Variants in ANXA8 observed in about 807,000 individuals in gnomAD.
ANXA8 encodes the protein annexin A8.
A neutral mutation model predicts 26.8 loss-of-function variants in ANXA8; 9 were observed. The observed-to-expected ratio is 0.34, with a 90% CI of 0.20 to 0.59. The LOEUF is 0.59. Ranked by LOEUF, ANXA8 falls within the 20% of genes least tolerant of loss-of-function variation. The pLI is 0.84. For synonymous variants in ANXA8, 39 were observed against 94.8 expected, an observed-to-expected ratio of 0.41 and a Z score of 3.42; for missense variants, 83 against 238.5, an observed-to-expected ratio of 0.35 and a Z score of 4.29.
At chr10:47,969,175 G>A in the ANXA8 span, among the ~76,000 whole-genome samples, 714 of 147,564 alleles carry the variant, frequency 4.8e-3, 9 homozygotes, top group African/African-American at 0.018. Flanking sequence ...AAAGGCAGCT[G>A]GTCCTGCTCA....
chr10:47,694,423 T>A, the ANXA8 span, among the ~76,000 whole-genome samples: 1 of 143,970 alleles, frequency 6.9e-6, no homozygotes, highest in Non-Finnish European at 1.5e-5. Flanking sequence ...CTTCCTTTTT[T>A]TTTTTTTTTT....
chr10:47,739,959 T>C, the ANXA8 span, among the ~76,000 whole-genome samples: 1 of 66,764 alleles, frequency 1.5e-5, no homozygotes, highest in African/African-American at 5.1e-5. Flanking sequence ...AAAAAAAAAT[T>C]AGCCAGGCAT....
At chr10:47,957,928 CAACTT>C in the ANXA8 span, among the ~76,000 whole-genome samples, 1 of 150,532 alleles carries the variant, frequency 6.6e-6, no homozygotes, top group South Asian at 2.1e-4. Context: ...AGAAGACAAA[CAACTT>C]AATTAAAAAT....
At chr10:47,720,855 A>C in the ANXA8 span, among the ~76,000 whole-genome samples, 1 of 140,152 alleles carries the variant, frequency 7.1e-6, no homozygotes, top group Non-Finnish European at 1.6e-5. Flanking sequence ...TTGAATTAAG[A>C]TGTATGGTAG....
At chr10:47,683,954 G>A in the ANXA8 span, among the ~76,000 whole-genome samples, 3 of 151,796 alleles carry the variant, frequency 2.0e-5, no homozygotes, top group Non-Finnish European at 4.4e-5. Flanking sequence ...TAGTTGCAGT[G>A]TTCTGCAAAG....
upstream of ANXA8, among the ~76,000 whole-genome samples, chr10:47,488,713 A>ATTTTTTTTT (rs1160121365): frequency 5.3e-4 from 33 of 62,120 alleles, no homozygotes; most frequent in African/African-American, 7.1e-4. Flanking sequence ...TACATGTTAA[A>ATTTTTTTTT]TTTTTTTTTT....
the ANXA8 span, among the ~76,000 whole-genome samples, chr10:47,733,195 T>C: frequency 1.6e-3 from 174 of 111,010 alleles, no homozygotes; most frequent in African/African-American, 5.5e-3. Flanking sequence ...CTTTCTTTCT[T>C]TCTTTCTTTC....
At chr10:47,692,781 C>CAGA in the ANXA8 span, 1 of 147,366 alleles carries the variant, frequency 6.8e-6, no homozygotes, top group African/African-American at 2.5e-5. Context: ...GTCACCCAGG[C>CAGA]TGGAGCGCAG....
Position 47,468,852 on chromosome 10 carries a change from G to A in ANXA8, c.979C>T (p.Pro327Ser). The A allele has an allele frequency of 6.2e-7, 1 of 1,610,812 alleles. No homozygotes were observed. Among genetic ancestry groups the A allele is most frequent in the South Asian group, 1.1e-5 (1 of 90,622 alleles). The change falls in exon 12 of 12, where the codon CCC (proline) becomes TCC (serine). Residue 327 changes from proline to serine, a missense_variant. Coordinates refer to ENST00000585281, the MANE Select transcript of ANXA8 (RefSeq NM_001040084.3). ...NALLSLVGSD[P>S] ...TGCTCTTGTTCTTCTGTGCCTCAGG[G>A]GTCGCTGCCCACCAGGCTCAGCAGG...
the ANXA8 span, among the ~76,000 whole-genome samples, chr10:47,941,632 C>G: frequency 1.4e-5 from 2 of 145,256 alleles, 1 homozygote; most frequent in African/African-American, 5.4e-5. Flanking sequence ...GACAGAGACT[C>G]TGTCTCAAAA....
chr10:47,583,469 C>CA, the ANXA8 span, among the ~76,000 whole-genome samples: 5 of 89,298 alleles, frequency 5.6e-5, no homozygotes, highest in Non-Finnish European at 1.1e-4. Context: ...GGCCCGCCCC[C>CA]ACCACTTGCC....
At chr10:47,514,145 C>A in the ANXA8 span, among the ~76,000 whole-genome samples, 1 of 142,840 alleles carries the variant, frequency 7.0e-6, no homozygotes. Context: ...GGGCTATTAT[C>A]CAGAATCTAT....
the ANXA8 span, among the ~76,000 whole-genome samples, chr10:47,684,180 C>T: frequency 1.3e-5 from 2 of 152,108 alleles, no homozygotes; most frequent in African/African-American, 4.8e-5. Context: ...CCTCTGAGTA[C>T]ACCTAAAACA....
At chr10:47,659,164 C>A in the ANXA8 span, among the ~76,000 whole-genome samples, 2 of 151,820 alleles carry the variant, frequency 1.3e-5, no homozygotes, top group African/African-American at 4.9e-5. Flanking sequence ...AACCACTGCA[C>A]CCGGCTGTGT....
chr10:47,550,862 A>G, the ANXA8 span: 2 of 192,422 alleles, frequency 1.0e-5, no homozygotes, highest in African/African-American at 4.9e-5. Flanking sequence ...TTATTTAAAA[A>G]AGAAAAAAAA....
chr10:47,624,159 G>A, the ANXA8 span, among the ~76,000 whole-genome samples: 1 of 99,348 alleles, frequency 1.0e-5, no homozygotes, highest in Non-Finnish European at 2.1e-5. Flanking sequence ...GGAGAATGGC[G>A]TGAACCCAGG....
chr10:47,679,387 G>A, the ANXA8 span, among the ~76,000 whole-genome samples: 1 of 152,266 alleles, frequency 6.6e-6, no homozygotes, highest in Non-Finnish European at 1.5e-5. Flanking sequence ...GGATGCTGAG[G>A]CCCGGAGTTT....
At chr10:47,647,528 T>A in the ANXA8 span, among the ~76,000 whole-genome samples, 23 of 149,852 alleles carry the variant, frequency 1.5e-4, 1 homozygote, top group South Asian at 4.6e-3. Flanking sequence ...GAGTTCTATA[T>A]AGATAGACCT....
the ANXA8 span, among the ~76,000 whole-genome samples, chr10:47,698,021 C>A: frequency 2.0e-5 from 3 of 147,678 alleles, no homozygotes; most frequent in East Asian, 4.0e-4. Context: ...GCTAAAGAGC[C>A]GAGATATATT....
Sources: allele counts gnomAD v4.1 joint callset (sites outside exome capture counted in the v4.1 genomes callset), GRCh38; gene constraint gnomAD v4.1.1; transcripts MANE v1.5; gene names NCBI Gene and HGNC (gene_info 2026-07-23, HGNC 2026-07-21).